The following ZNF544 variants were observed in gnomAD, a reference collection of about 807,000 sequenced individuals.
ZNF544 encodes the protein zinc finger protein AF020591.
Under a neutral mutation model 13.5 loss-of-function variants are expected in ZNF544, and 10 were observed. The observed-to-expected ratio is 0.74, with a 90% CI of 0.46 to 1.25. The LOEUF is 1.25. Ranked by LOEUF, ZNF544 falls within the 50% of genes most tolerant of loss-of-function variation. The probability of loss-of-function intolerance (pLI) is 0.00; values close to 1 mark genes in which losing one functional copy is unlikely to be tolerated. For synonymous variants in ZNF544, 323 were observed against 300.5 expected (o/e 1.07, Z -0.77); for missense variants, 896 against 845.6 (o/e 1.06, Z -0.74).
At chr19:58,264,440 C>T (rs1296097007), downstream of ZNF544, among the ~76,000 whole-genome samples, 3 of 151,334 alleles carry the variant, frequency 2.0e-5, no homozygotes, top group African/African-American at 7.3e-5. Flanking sequence ...GCCTGTAATC[C>T]CAGCACTTTG....
chr19:58,261,096 G>C lies in ZNF544; in HGVS notation c.490G>C (p.Gly164Arg). ...ACATTGTGAGCTTGAACTTGGGGGA[G>C]GTTATTCTCTACCTTCTACTTTAAG... ...REHCELELGG[G>R]YSLPSTLSLL... The change falls in exon 7 of 7, where the codon GGT becomes CGT. Residue 164 changes from glycine (G) to arginine (R), a missense_variant. Transcript: ENST00000687789. 1.9e-6 allele frequency: 3 copies of C among 1,614,138 alleles called. No individual in the cohort carries two copies. Among genetic ancestry groups the C allele is most frequent in the South Asian group, 2.2e-5 (2 of 91,084 alleles).
intron 6 of ZNF544, 169 bp downstream of exon 6, chr19:58,246,963 G>C (rs1470872265): frequency 1.8e-6 from 1 of 570,958 alleles, no homozygotes; most frequent in Non-Finnish European, 3.1e-6. Flanking sequence ...GAAGTATGCA[G>C]TTCATGGCTT....
rs1311378434 is a variant in ZNF544 at position 58,272,028 on chromosome 19, G to T, written c.245-4295G>T. On this transcript the variant is annotated intron_variant, in intron 5 of 6. Transcript: ENST00000595981. The stretch of plus-strand genomic sequence containing the variant: ...AATGCAAAAATTATCTGGGCGTGGT[G>T]GTGGGTGCCTGTAATGCCAGCTACT... 2.6e-5 allele frequency among the ~76,000 whole-genome samples: 4 copies of T among 152,068 alleles called. No homozygotes were observed. The East Asian group carries it at 7.7e-4, about 29-fold the overall frequency.
chr19:58,236,515 AAAG>A (rs898184535), intron 3 of ZNF544, among the ~76,000 whole-genome samples: 1 of 151,686 alleles, frequency 6.6e-6, no homozygotes, highest in Non-Finnish European at 1.5e-5. Context: ...AAAAAAAAAA[AAAG>A]AAAGAAAACA....
intron 3 of ZNF544, among the ~76,000 whole-genome samples, chr19:58,241,342 G>C (rs954322821): frequency 1.3e-5 from 2 of 149,744 alleles, no homozygotes; most frequent in Admixed American, 1.3e-4. Context: ...GTTTAATGTT[G>C]GGAGTCAGGT....
At chr19:58,233,611 C>T (rs1248806700) in intron 3 of ZNF544, among the ~76,000 whole-genome samples, 1 of 152,088 alleles carries the variant, frequency 6.6e-6, no homozygotes, top group East Asian at 1.9e-4. Context: ...ATATTCTGCC[C>T]ACAGAAAATT....
At chr19:58,251,316 G>C (rs187387892) in intron 6 of ZNF544, 110 of 519,014 alleles carry the variant, frequency 2.1e-4, no homozygotes, top group African/African-American at 1.7e-3. Flanking sequence ...AGGTACTTCA[G>C]GTCTTTCACA....
chr19:58,243,984 C>T lies in ZNF544; in HGVS notation c.-40C>T. On this transcript the variant is annotated 5_prime_UTR_variant, in exon 4 of 7. Transcript: ENST00000687789. ...CCCCAGACTGGTCTTCTGAGGACCT[C>T]TGCCCTCTACACAGCGGCCTCTTCA... 1 of 1,597,308 alleles carries T rather than the reference C, an allele frequency of 6.3e-7. No homozygotes were observed. Among genetic ancestry groups the T allele is most frequent in the Non-Finnish European group, 8.5e-7 (1 of 1,171,498 alleles).
At position 58,262,259 on chromosome 19, in the gene ZNF544, T is replaced by G. The variant is rs189552588; in HGVS notation, c.1653T>G (p.Ile551Met). 1 of 1,613,828 alleles carries G rather than the reference T, an allele frequency of 6.2e-7. No individual in the cohort carries two copies. The highest frequency in any genetic ancestry group is 8.5e-7 in the Non-Finnish European group (1 of 1,180,010). The change falls in exon 7 of 7, where the codon ATT becomes ATG. Residue 551 changes from isoleucine to methionine, a missense_variant. Transcript: ENST00000687789. ...CTGGAGAAAAACCGTATCAGTGTAT[T>G]GAATGTGGGAAATCCTTCAGATGGA... ...IHTGEKPYQCIECGKSFRWNS... is the reference protein window; with the variant it reads ...IHTGEKPYQCMECGKSFRWNS...
chr19:58,256,958 G>T (rs890298108), intron 6 of ZNF544, among the ~76,000 whole-genome samples: 10 of 152,218 alleles, frequency 6.6e-5, no homozygotes, highest in African/African-American at 2.4e-4. Context: ...GTCTCACTCT[G>T]TTGCCCAAGC....
rs554246527 is a variant in ZNF544, at chr19:58,253,848, T to C, written c.245-7003T>C. On this transcript the variant is annotated intron_variant, in intron 6 of 6. Coordinates refer to ENST00000687789, the MANE Select transcript of ZNF544 (RefSeq NM_014480.4). ...TGCCAAACACTGACACCTTAAAATA[T>C]CTTGCAAAGACAAATATAAAACCAT... Among the ~76,000 whole-genome samples the C allele has an allele frequency of 6.6e-5, 10 of 152,354 alleles. No homozygotes were observed. In the South Asian group the frequency reaches 1.7e-3, roughly 25 times the overall value.
chr19:58,248,802 T>C (rs2045833698), intron 6 of ZNF544, among the ~76,000 whole-genome samples: 1 of 152,152 alleles, frequency 6.6e-6, no homozygotes. Flanking sequence ...GAAAGTACAC[T>C]CCACACAATG....
At chr19:58,246,194 AATGT>A in intron 4 of ZNF544, 103 bp from the exon 5 acceptor site, 4 of 1,471,700 alleles carry the variant, frequency 2.7e-6, no homozygotes, top group Non-Finnish European at 3.8e-6. Context: ...ATTAGGTTCC[AATGT>A]ATGAATTTTA....
intron 5 of ZNF544, among the ~76,000 whole-genome samples, chr19:58,275,800 AAAGG>A (rs2051174087): frequency 7.6e-6 from 1 of 132,008 alleles, no homozygotes. Flanking sequence ...AAAAAAAAAA[AAAGG>A]AAAGAGGAAA....
At position 58,263,083 on chromosome 19, in the gene ZNF544, A is replaced by C; in HGVS notation, c.*329A>C. 1 of 1,064,442 alleles carries C rather than the reference A, an allele frequency of 9.4e-7. No homozygotes were observed. The allele number at this position is 1,064,442 out of a possible 1,614,324, so 65.9% of individuals were successfully genotyped here. ...TTCATACTGGAGAGAAGCCCTGTGA[A>C]TGTTAACAAATGTGGAAAAGCTTCC... On this transcript the variant is annotated 3_prime_UTR_variant, in exon 7 of 7. Transcript: ENST00000687789.
At chr19:58,240,794 C>T (rs1311844523) in intron 3 of ZNF544, among the ~76,000 whole-genome samples, 1 of 151,572 alleles carries the variant, frequency 6.6e-6, no homozygotes, top group Non-Finnish European at 1.5e-5. Context: ...GTGTGGACAA[C>T]CCAGGCTTAC....
chr19:58,235,495 T>C (rs260446), intron 3 of ZNF544, among the ~76,000 whole-genome samples: 29,173 of 152,100 alleles, frequency 0.19, 3,381 homozygotes, highest in East Asian at 0.35. Flanking sequence ...TTTTAGCTAT[T>C]TACATCTTTG....
intron 5 of ZNF544, among the ~76,000 whole-genome samples, chr19:58,274,701 TAGGG>T (rs1365268157): frequency 6.6e-6 from 1 of 152,070 alleles, no homozygotes; most frequent in Non-Finnish European, 1.5e-5. Context: ...AAAACAGAAA[TAGGG>T]AGAAGAGTGG....
chr19:58,229,207 G>A (rs1193075648), intron 1 of ZNF544: 1 of 151,920 alleles, frequency 6.6e-6, no homozygotes, highest in Admixed American at 6.6e-5. Context: ...TGAGCTTGTC[G>A]GGAGGCTCTC....
Sources: allele counts gnomAD v4.1 joint callset (sites outside exome capture counted in the v4.1 genomes callset), GRCh38; gene constraint gnomAD v4.1.1; transcripts MANE v1.5; gene names NCBI Gene and HGNC (gene_info 2026-07-23, HGNC 2026-07-21).